Variants in RALGAPB observed in about 807,000 individuals in gnomAD.
RALGAPB encodes Ral GTPase activating protein non-catalytic subunit beta.
Under a neutral mutation model 161.1 loss-of-function variants are expected in RALGAPB, and 25 were observed. The observed-to-expected ratio is 0.16, with a 90% CI of 0.11 to 0.22. The LOEUF is 0.22. RALGAPB is among the 10% of genes least tolerant of loss of function. The pLI, the probability that RALGAPB is intolerant of heterozygous loss-of-function variation, is 1.00. For synonymous variants in RALGAPB, 629 were observed against 626.1 expected, an observed-to-expected ratio of 1.00 and a Z score of -0.07; for missense variants, 1,391 against 1,815.2, an observed-to-expected ratio of 0.77 and a Z score of 4.25.
intron 9 of RALGAPB, 141 bp downstream of exon 9, chr20:38,518,141 C>G (rs1051205369): frequency 3.9e-6 from 3 of 770,932 alleles, no homozygotes; most frequent in Non-Finnish European, 6.1e-6. Context: ...TGCTTAACCC[C>G]TTCCAGCTGA....
At chr20:38,522,141 T>A (rs1049341926) in intron 10 of RALGAPB, among the ~76,000 whole-genome samples, 7 of 152,248 alleles carry the variant, frequency 4.6e-5, no homozygotes, top group African/African-American at 1.7e-4. Context: ...GATAATGTGC[T>A]GTGGGCATTC....
In RALGAPB at chr20:38,509,786, T is replaced by G. The variant is rs117423725; in HGVS notation, c.872+578T>G. Among the ~76,000 whole-genome samples the G allele has an allele frequency of 2.8e-4, 43 of 152,358 alleles. 1 individual carries two copies. The South Asian group carries it at 5.8e-3, about 21-fold the overall frequency. On this transcript the variant is annotated intron_variant, in intron 6 of 29. Coordinates refer to ENST00000262879, the MANE Select transcript of RALGAPB (RefSeq NM_020336.4). Reference sequence around the variant, plus strand: ...GAACATTTATTCTGTTGTAAACTGATTCTTAAATTTTTTCCTTGCATATCT... The same window carrying G: ...GAACATTTATTCTGTTGTAAACTGAGTCTTAAATTTTTTCCTTGCATATCT...
chr20:38,525,431 A>G lies in RALGAPB; in HGVS notation c.1815A>G (p.Val605=), dbSNP rs2086430592. 1.9e-6 allele frequency: 3 copies of G among 1,597,840 alleles called. No homozygotes were observed. The highest frequency in any genetic ancestry group is 1.4e-5 in the African/African-American group (1 of 73,816). The change falls in exon 12 of 30, where the codon GTA becomes GTG. Residue 605 remains valine, a synonymous_variant. Coordinates refer to ENST00000262879, the MANE Select transcript of RALGAPB (RefSeq NM_020336.4). ...DRELSKFKSY[V]NPTELRRSSI... Reference sequence around the variant, plus strand: ...AACTCTCAAAATTCAAAAGCTATGTAAATCCAACAGAATTGCGAAGATCCT... The same window carrying G: ...AACTCTCAAAATTCAAAAGCTATGTGAATCCAACAGAATTGCGAAGATCCT...
At chr20:38,499,026 T>C (rs1018194969) in intron 4 of RALGAPB, among the ~76,000 whole-genome samples, 3 of 152,238 alleles carry the variant, frequency 2.0e-5, no homozygotes, top group African/African-American at 7.2e-5. Context: ...TAATTAGCAG[T>C]TGGTATTAGG....
rs545883500 is a variant in RALGAPB at position 38,573,965 on chromosome 20, G to A, written c.4143-185G>A. On this transcript the variant is annotated intron_variant, in intron 28 of 29. Coordinates refer to ENST00000262879, the MANE Select transcript of RALGAPB (RefSeq NM_020336.4). The stretch of plus-strand genomic sequence containing the variant: ...GGACCTTTAGGACCAGATGTTATAG[G>A]GGGTAGCAGCATAGATTCCCAGAAA... 1.0e-4 allele frequency: 47 copies of A among 453,934 alleles called. No individual in the cohort carries two copies. The East Asian group carries it at 1.7e-3, about 16-fold the overall frequency. The allele number at this position is 453,934 out of a possible 1,614,324, so 28.1% of individuals were successfully genotyped here. A position where few individuals can be genotyped will look rare whatever the true frequency, so the allele number is the denominator to read the frequency against.
intron 1 of RALGAPB, among the ~76,000 whole-genome samples, chr20:38,474,050 T>C (rs919614793): frequency 3.9e-5 from 6 of 152,234 alleles, no homozygotes; most frequent in African/African-American, 1.4e-4. Flanking sequence ...CTGTTAGGGA[T>C]GGAATTCTCT....
At chr20:38,501,277 A>G (rs987998476) in intron 5 of RALGAPB, among the ~76,000 whole-genome samples, 7 of 152,230 alleles carry the variant, frequency 4.6e-5, no homozygotes, top group African/African-American at 1.7e-4. Context: ...ATAATGTTAA[A>G]TTTGCGCTTG....
chr20:38,475,783 T>G (rs2084786311), intron 1 of RALGAPB, among the ~76,000 whole-genome samples: 1 of 151,764 alleles, frequency 6.6e-6, no homozygotes, highest in Admixed American at 6.6e-5. Flanking sequence ...CCTGGCTAAT[T>G]TTTTTGTATT....
chr20:38,501,845 G>T (rs954178986), intron 5 of RALGAPB, among the ~76,000 whole-genome samples: 2 of 152,074 alleles, frequency 1.3e-5, no homozygotes, highest in Non-Finnish European at 2.9e-5. Flanking sequence ...GAAAAAATGT[G>T]CAAATGAACC....
At chr20:38,486,647 A>G (rs1195346116) in intron 1 of RALGAPB, among the ~76,000 whole-genome samples, 1 of 152,164 alleles carries the variant, frequency 6.6e-6, no homozygotes, top group African/African-American at 2.4e-5. Context: ...TCTTCTTAAA[A>G]TCTGTTTTCT....
intron 13 of RALGAPB, among the ~76,000 whole-genome samples, chr20:38,529,480 G>T (rs991089765): frequency 1.3e-5 from 2 of 151,164 alleles, no homozygotes; most frequent in Admixed American, 1.3e-4. Context: ...TCATGCCATT[G>T]CACTGCAGCC....
In RALGAPB at chr20:38,574,288, G is replaced by C; in HGVS notation, c.4281G>C (p.Arg1427Ser). ...IPLVDGMIVS[R>S]RALGFLVRQT... ...TTGTGGATGGGATGATTGTCAGCAG[G>C]CGAGCTCTTGGTAAGGTCTTCATAT... Residue 1427 changes from arginine (R) to serine (S), a missense_variant, in exon 29 of 30, where the codon AGG becomes AGC. Coordinates refer to ENST00000262879, the MANE Select transcript of RALGAPB (RefSeq NM_020336.4). The C allele has an allele frequency of 1.9e-6, 3 of 1,610,020 alleles. No homozygotes were observed. The highest frequency in any genetic ancestry group is 2.5e-6 in the Non-Finnish European group (3 of 1,178,570).
chr20:38,472,882 G>C lies in RALGAPB; in HGVS notation c.-218G>C, dbSNP rs893380500. ...TGAGCAGATCCCAGCCGGCTGGCTCGAGTGGCCTTCGTCGTCCCTTGGCGC... is the reference window on the plus strand; with the variant it reads ...TGAGCAGATCCCAGCCGGCTGGCTCCAGTGGCCTTCGTCGTCCCTTGGCGC... On this transcript the variant is annotated 5_prime_UTR_variant, in exon 1 of 30. Transcript: ENST00000262879. The C allele has an allele frequency of 1.0e-5, 4 of 398,982 alleles. No homozygotes were observed. The highest frequency in any genetic ancestry group is 7.1e-5 in the East Asian group (2 of 28,056). 24.7% of individuals were successfully genotyped at this position (398,982 alleles called of 1,614,324 possible).
chr20:38,503,238 T>G (rs912800454), intron 5 of RALGAPB, among the ~76,000 whole-genome samples: 6 of 152,340 alleles, frequency 3.9e-5, no homozygotes, highest in African/African-American at 1.4e-4. Flanking sequence ...TGATTAGAAG[T>G]AGGCTATTAG....
chr20:38,574,028 G>T, intron 28 of RALGAPB, 122 bp from the exon 29 acceptor site: 2 of 1,030,968 alleles, frequency 1.9e-6, no homozygotes, highest in Admixed American at 5.8e-5. Flanking sequence ...GCTTTTCTCA[G>T]ACCACTGCCA....
chr20:38,542,856 T>A (rs1056537847), intron 18 of RALGAPB, among the ~76,000 whole-genome samples: 1 of 151,524 alleles, frequency 6.6e-6, no homozygotes, highest in African/African-American at 2.4e-5. Flanking sequence ...AGAGTGAGAT[T>A]CCATCTCAGA....
In RALGAPB at chr20:38,516,318, A is replaced by G. The variant is rs1031866881; in HGVS notation, c.999A>G (p.Gln333=). 5.0e-6 allele frequency: 8 copies of G among 1,614,100 alleles called. No individual in the cohort carries two copies. The highest frequency in any genetic ancestry group is 1.7e-5 in the Admixed American group (1 of 60,006). Residue 333 remains glutamine, a synonymous_variant, in exon 7 of 30, where the codon CAA becomes CAG. Transcript: ENST00000262879. ...ATCCCTGCCTTAAACATCTGCCTCA[A>G]ATATTTTTTCGTGCCATGCGTGGAA... is the stretch of plus-strand genomic sequence containing the variant. ...NQYPCLKHLP[Q]IFFRAMRGIS...
Position 38,574,962 on chromosome 20 carries a change from T to G in RALGAPB, c.4480T>G (p.Ser1494Ala), listed in dbSNP as rs555685859. The G allele has an allele frequency of 6.2e-7, 1 of 1,607,376 alleles. No individual in the cohort carries two copies. Among genetic ancestry groups the G allele is most frequent in the South Asian group, 1.1e-5 (1 of 90,958 alleles). ...FQEVGLKNCS[S>A] ...GGAGGTTGGACTCAAGAACTGCAGT[T>G]CTTAGACCACTGAATTTCTAAGACT... is the stretch of plus-strand genomic sequence containing the variant. The change falls in exon 30 of 30, where the codon TCT (serine) becomes GCT (alanine). Residue 1494 changes from serine to alanine, a missense_variant. Physicochemically the swap from Ser to Ala is moderately conservative, Grantham distance 99. Coordinates refer to ENST00000262879, the MANE Select transcript of RALGAPB (RefSeq NM_020336.4).
chr20:38,481,116 A>C (rs760961178), intron 1 of RALGAPB, among the ~76,000 whole-genome samples: 28 of 151,996 alleles, frequency 1.8e-4, no homozygotes, highest in Admixed American at 6.5e-5. Context: ...TTCAATGCAC[A>C]ATTCGTATGC....
Sources: allele counts gnomAD v4.1 joint callset (sites outside exome capture counted in the v4.1 genomes callset), GRCh38; gene constraint gnomAD v4.1.1; transcripts MANE v1.5; gene names NCBI Gene and HGNC (gene_info 2026-07-23, HGNC 2026-07-21).